Variants in CCDC39 observed in about 807,000 individuals in gnomAD.
CCDC39 encodes coiled-coil domain-containing protein 39.
A neutral mutation model predicts 121.0 loss-of-function variants in CCDC39; 113 were observed. The observed-to-expected ratio is 0.93, with a 90% CI of 0.80 to 1.09. The LOEUF (loss-of-function observed/expected upper bound fraction) is 1.09, where lower values mean the gene tolerates loss of function less well. CCDC39 is among the 50% of genes least tolerant of loss of function. The pLI is 0.00. For synonymous variants in CCDC39, 349 were observed against 352.2 expected (o/e 0.99, Z 0.10); for missense variants, 1,063 against 1,074.7 (o/e 0.99, Z 0.15).
chr3:180,634,424 G>A (rs2108414869), intron 13 of CCDC39, among the ~76,000 whole-genome samples: 1 of 152,224 alleles, frequency 6.6e-6, no homozygotes, highest in South Asian at 2.1e-4. Flanking sequence ...CCCAGATTGG[G>A]CCCATAGCAC....
At chr3:180,676,659 A>C (rs1175856661) in intron 1 of CCDC39, among the ~76,000 whole-genome samples, 5 of 152,146 alleles carry the variant, frequency 3.3e-5, no homozygotes, top group African/African-American at 7.2e-5. Context: ...ACCCAAAGGA[A>C]TATAAATCAT....
intron 11 of CCDC39, among the ~76,000 whole-genome samples, chr3:180,645,584 A>G (rs1471673045): frequency 2.0e-5 from 3 of 152,152 alleles, no homozygotes; most frequent in Non-Finnish European, 4.4e-5. Flanking sequence ...ATGTGATTTT[A>G]TAAAATTAAA....
In CCDC39 at chr3:180,679,476, C is replaced by T. The variant is rs1712334252; in HGVS notation, c.-96G>A. ...GTCAAGCCCAGGCACCTGCACAGTGCCGCGGCAATTGCCGGGGGAGCCCTA... is the reference window on the plus strand; with the variant it reads ...GTCAAGCCCAGGCACCTGCACAGTGTCGCGGCAATTGCCGGGGGAGCCCTA... On this transcript the variant is annotated 5_prime_UTR_variant, in exon 1 of 20. Coordinates refer to ENST00000476379, the MANE Select transcript of CCDC39 (RefSeq NM_181426.2). This position sits in a 1 kb window ranked among gnomAD's most constrained non-coding sequence, Gnocchi z 4.0. 8.6e-7 allele frequency: 1 copy of T among 1,162,878 alleles called. No individual in the cohort carries two copies. Among genetic ancestry groups the T allele is most frequent in the Non-Finnish European group, 1.3e-6 (1 of 769,520 alleles). The allele number at this position is 1,162,878 out of a possible 1,614,324, so 72.0% of individuals were successfully genotyped here. A position where few individuals can be genotyped will look rare whatever the true frequency, so the allele number is the denominator to read the frequency against.
chr3:180,642,552 A>G (rs1444425280), intron 12 of CCDC39, among the ~76,000 whole-genome samples: 1 of 152,148 alleles, frequency 6.6e-6, no homozygotes, highest in Non-Finnish European at 1.5e-5. Context: ...ATGTGGAAAT[A>G]TATTTTTATT....
intron 6 of CCDC39, among the ~76,000 whole-genome samples, chr3:180,657,516 G>A (rs1459501188): frequency 6.6e-6 from 1 of 152,146 alleles, no homozygotes; most frequent in Non-Finnish European, 1.5e-5. Flanking sequence ...ACATTATCAA[G>A]CCCAGAAAGG....
At chr3:180,660,396 A>G (rs1711711651) in intron 4 of CCDC39, among the ~76,000 whole-genome samples, 174 bp downstream of exon 4, 1 of 152,112 alleles carries the variant, frequency 6.6e-6, no homozygotes, top group African/African-American at 2.4e-5. Flanking sequence ...GTATTTGAAT[A>G]TAGTCATTTT....
intron 11 of CCDC39, among the ~76,000 whole-genome samples, chr3:180,644,936 A>G (rs1560087663): frequency 6.6e-6 from 1 of 152,026 alleles, no homozygotes; most frequent in Non-Finnish European, 1.5e-5. Context: ...ATGGTTTACC[A>G]CTCCCATATT....
At chr3:180,628,193 A>G (rs1296863656) in intron 14 of CCDC39, among the ~76,000 whole-genome samples, 1 of 152,018 alleles carries the variant, frequency 6.6e-6, no homozygotes, top group Non-Finnish European at 1.5e-5. Context: ...GGACTTCTAG[A>G]CTCCAGATGT....
In CCDC39 at chr3:180,648,239, G is replaced by A; in HGVS notation, c.1288C>T (p.Leu430=). 6.2e-7 allele frequency: 1 copy of A among 1,613,540 alleles called. No homozygotes were observed. Among genetic ancestry groups the A allele is most frequent in the Non-Finnish European group, 8.5e-7 (1 of 1,179,620 alleles). ...TGTAACTGATGGTTGAGATGTTTCA[G>A]AGAGGAACGAGTTCCTTCAATTTCT... ...LSEIEGTRSS[L]KHLNHQLQKL... The change falls in exon 10 of 20, where the codon CTG becomes TTG. Residue 430 remains leucine (L), a synonymous_variant. Coordinates refer to ENST00000476379, the MANE Select transcript of CCDC39 (RefSeq NM_181426.2).
At chr3:180,623,305 A>G (rs946181953) in intron 14 of CCDC39, among the ~76,000 whole-genome samples, 7 of 151,660 alleles carry the variant, frequency 4.6e-5, no homozygotes, top group African/African-American at 1.7e-4. Flanking sequence ...GTTCAGTTGT[A>G]ATGTCTCCTT....
chr3:180,675,725 C>T (rs10937042), intron 1 of CCDC39, among the ~76,000 whole-genome samples: 28,565 of 151,960 alleles, frequency 0.19, 2,911 homozygotes, highest in East Asian at 0.4. Context: ...GGAGGCATCA[C>T]GCTACCTGAC....
At chr3:180,621,081 G>A (rs1287318672) in intron 14 of CCDC39, among the ~76,000 whole-genome samples, 3 of 152,066 alleles carry the variant, frequency 2.0e-5, no homozygotes, top group Non-Finnish European at 4.4e-5. Flanking sequence ...TCTTGTTGCT[G>A]TAAAAGACAG....
intron 1 of CCDC39, among the ~76,000 whole-genome samples, chr3:180,675,770 C>T (rs1192981402): frequency 6.6e-6 from 1 of 152,086 alleles, no homozygotes; most frequent in Admixed American, 6.5e-5. Flanking sequence ...GTAACCAAAA[C>T]AGCATGGTAC....
chr3:180,628,075 G>A (rs1471751229), intron 14 of CCDC39, among the ~76,000 whole-genome samples: 1 of 152,122 alleles, frequency 6.6e-6, no homozygotes, highest in African/African-American at 2.4e-5. Flanking sequence ...TACAAACTAA[G>A]GAACACCAAA....
intron 9 of CCDC39, among the ~76,000 whole-genome samples, chr3:180,649,082 C>T (rs6772636): frequency 0.34 from 51,190 of 151,944 alleles, 11,313 homozygotes; most frequent in African/African-American, 0.63. Flanking sequence ...TTTATATAAT[C>T]TCATTTTTAA....
chr3:180,618,401 C>G (rs1251208714), intron 16 of CCDC39, among the ~76,000 whole-genome samples: 1 of 151,750 alleles, frequency 6.6e-6, no homozygotes, highest in Non-Finnish European at 1.5e-5. Context: ...CGCCTGCTTA[C>G]AAGGCACTTT....
intron 16 of CCDC39, chr3:180,617,341 T>A: frequency 2.0e-6 from 1 of 510,084 alleles, no homozygotes; most frequent in Non-Finnish European, 3.5e-6. Context: ...ATTACTGATT[T>A]ATGTATTTAC....
In CCDC39 at chr3:180,654,483, C is replaced by A. The variant is rs551087537; in HGVS notation, c.930+279G>T. Reference sequence around the variant, plus strand: ...AAAAACTTTCTTTAAGGAAAAGGAACCACCAACAAAATGAAAAGGTAACCT... The same window carrying A: ...AAAAACTTTCTTTAAGGAAAAGGAAACACCAACAAAATGAAAAGGTAACCT... On this transcript the variant is annotated intron_variant, in intron 7 of 19. Transcript: ENST00000476379. Among the ~76,000 whole-genome samples the A allele has an allele frequency of 4.0e-5, 6 of 151,608 alleles. No individual in the cohort carries two copies. The South Asian group carries it at 1.2e-3, about 32-fold the overall frequency.
rs1718085388 is a variant in CCDC39, at chr3:180,647,188, T to C, written c.1418A>G (p.Asn473Ser). ...RRMSRLKGEI[N>S]SEEKQALEAK... is the part of the protein sequence containing the mutation. ...TTCAAGCGCTTGTTTTTCTTCTGAA[T>C]TAATTTCTCCCTTTAACCGTGACAT... The change falls in exon 11 of 20, where the codon AAT (asparagine) becomes AGT (serine). Residue 473 changes from asparagine (N) to serine (S), a missense_variant. By Grantham distance (46) the Asn-to-Ser change is conservative. Coordinates refer to ENST00000476379, the MANE Select transcript of CCDC39 (RefSeq NM_181426.2). 2.5e-6 allele frequency: 4 copies of C among 1,611,980 alleles called. No individual in the cohort carries two copies. Among genetic ancestry groups the C allele is most frequent in the Non-Finnish European group, 3.4e-6 (4 of 1,179,052 alleles).
Sources: allele counts gnomAD v4.1 joint callset (sites outside exome capture counted in the v4.1 genomes callset), GRCh38; gene constraint gnomAD v4.1.1; non-coding constraint Gnocchi (gnomAD v3.1); transcripts MANE v1.5; gene names NCBI Gene and HGNC (gene_info 2026-07-23, HGNC 2026-07-21).